TAFA4: variants seen among roughly 807,000 people sequenced by gnomAD.
The protein encoded by TAFA4 is TAFA chemokine like family member 4.
TAFA4 carries 20 observed loss-of-function variants against 21.1 expected under a neutral mutation model. The ratio of observed to expected loss-of-function variants is 0.95; its 90% confidence interval spans 0.67 to 1.38. The LOEUF is 1.38. Among genes scored for constraint, TAFA4 ranks in the 40% most tolerant of loss-of-function variants. TAFA4 has a pLI of 0.00. For synonymous variants in TAFA4, 71 were observed against 67.4 expected (o/e 1.05, Z -0.26); for missense variants, 211 against 180.9 (o/e 1.17, Z -0.95).
At chr3:68,866,307 G>A (rs1253449531) in intron 3 of TAFA4, among the ~76,000 whole-genome samples, 1 of 151,998 alleles carries the variant, frequency 6.6e-6, no homozygotes, top group Non-Finnish European at 1.5e-5. Flanking sequence ...CCCATTTCAA[G>A]ACTGGCAGAG....
chr3:68,797,867 G>A (rs1355555920), intron 3 of TAFA4, among the ~76,000 whole-genome samples: 1 of 152,142 alleles, frequency 6.6e-6, no homozygotes, highest in African/African-American at 2.4e-5. Context: ...AGCACTCCAT[G>A]GATGGATCCG....
At chr3:68,922,574 G>T (rs942342534) in intron 1 of TAFA4, among the ~76,000 whole-genome samples, 7 of 152,138 alleles carry the variant, frequency 4.6e-5, no homozygotes, top group Non-Finnish European at 7.3e-5. Context: ...TCAATTGCTT[G>T]TAAGTTCATG....
In TAFA4 at chr3:68,744,393, C is replaced by T. The variant is rs192783096; in HGVS notation, c.287-5194G>A. ...TAGACTTGGGTCTCTCAGCAGCAGACAGCCAGGGAAGGAGTCTGAGCCAAG... is the reference window on the plus strand; with the variant it reads ...TAGACTTGGGTCTCTCAGCAGCAGATAGCCAGGGAAGGAGTCTGAGCCAAG... On this transcript the variant is annotated intron_variant, in intron 4 of 5. Transcript: ENST00000295569. Among the ~76,000 whole-genome samples the T allele has an allele frequency of 2.0e-5, 3 of 152,300 alleles. No homozygotes were observed. The East Asian group carries it at 5.8e-4, about 29-fold the overall frequency.
At chr3:68,778,330 T>C (rs1703086535) in intron 3 of TAFA4, among the ~76,000 whole-genome samples, 1 of 151,978 alleles carries the variant, frequency 6.6e-6, no homozygotes, top group Non-Finnish European at 1.5e-5. Flanking sequence ...CATAAAGAGG[T>C]CAATATATAT....
intron 3 of TAFA4, among the ~76,000 whole-genome samples, chr3:68,858,577 CGTGTGT>C (rs4065047): frequency 0.018 from 2,572 of 146,150 alleles, 76 homozygotes; most frequent in African/African-American, 0.056. Flanking sequence ...TTCCAAGTGA[CGTGTGT>C]GTGTGTGTGT....
chr3:68,857,434 G>A (rs183348568), intron 3 of TAFA4, among the ~76,000 whole-genome samples: 1 of 152,180 alleles, frequency 6.6e-6, no homozygotes, highest in East Asian at 1.9e-4. Context: ...AATAATGTTA[G>A]GTGTTAGGTA....
chr3:68,814,041 T>A (rs185115539), intron 3 of TAFA4, among the ~76,000 whole-genome samples: 1 of 152,196 alleles, frequency 6.6e-6, no homozygotes, highest in African/African-American at 2.4e-5. Context: ...TAATCCAGCA[T>A]ATAAATAGAA....
intron 1 of TAFA4, among the ~76,000 whole-genome samples, chr3:68,893,061 A>G (rs2089746879): frequency 6.6e-6 from 1 of 152,196 alleles, no homozygotes; most frequent in Non-Finnish European, 1.5e-5. Flanking sequence ...AATTATCCTT[A>G]CTGCAGAGGG....
At chr3:68,774,466 C>A (rs145433006) in intron 3 of TAFA4, among the ~76,000 whole-genome samples, 22 of 152,258 alleles carry the variant, frequency 1.4e-4, no homozygotes, top group African/African-American at 5.3e-4. Context: ...TAGTCTCAAG[C>A]AACATCAGAA....
intron 3 of TAFA4, among the ~76,000 whole-genome samples, chr3:68,857,597 T>C (rs1705098669): frequency 6.6e-6 from 1 of 152,082 alleles, no homozygotes; most frequent in Non-Finnish European, 1.5e-5. Context: ...TATAAATACA[T>C]TGTGAAATGT....
chr3:68,824,029 G>T (rs186490065), intron 3 of TAFA4, among the ~76,000 whole-genome samples: 1 of 152,142 alleles, frequency 6.6e-6, no homozygotes, highest in African/African-American at 2.4e-5. Context: ...AGGGATCCAT[G>T]ACTCAGAGAA....
chr3:68,752,247 G>T (rs1253248427), intron 4 of TAFA4, among the ~76,000 whole-genome samples: 1 of 152,108 alleles, frequency 6.6e-6, no homozygotes, highest in Non-Finnish European at 1.5e-5. Context: ...TTTCTAACAC[G>T]GCGTCTGCTG....
At chr3:68,842,173 A>C (rs984631067) in intron 3 of TAFA4, among the ~76,000 whole-genome samples, 1 of 152,196 alleles carries the variant, frequency 6.6e-6, no homozygotes, top group Non-Finnish European at 1.5e-5. Flanking sequence ...ACAGTGTAAA[A>C]GCCTTCCTAT....
chr3:68,737,464 T>C (rs1702265501), intron 5 of TAFA4, among the ~76,000 whole-genome samples: 1 of 152,140 alleles, frequency 6.6e-6, no homozygotes, highest in Non-Finnish European at 1.5e-5. Context: ...ATCCCAGTCA[T>C]CTCAGTATCA....
chr3:68,822,270 C>T (rs967191588), intron 3 of TAFA4, among the ~76,000 whole-genome samples: 1 of 152,146 alleles, frequency 6.6e-6, no homozygotes, highest in Admixed American at 6.5e-5. Flanking sequence ...TAAATTTCAC[C>T]AAATGAGCTA....
intron 3 of TAFA4, among the ~76,000 whole-genome samples, chr3:68,831,398 T>G (rs184060190): frequency 6.6e-6 from 1 of 152,342 alleles, no homozygotes; most frequent in East Asian, 1.9e-4. Context: ...ATAAAATCTC[T>G]GAGCATTTGC....
chr3:68,844,512 A>G (rs528875299), intron 3 of TAFA4, among the ~76,000 whole-genome samples: 4 of 149,416 alleles, frequency 2.7e-5, no homozygotes, highest in African/African-American at 7.3e-5. Context: ...TCATGTCTCT[A>G]TCTCCTTCAG....
rs1451894050 is a variant in TAFA4 at position 68,752,949 on chromosome 3, A to G, written c.200T>C (p.Ile67Thr). The change falls in exon 4 of 6, where the codon ATA becomes ACA. Residue 67 changes from isoleucine to threonine, a missense_variant. By Grantham distance (89) the Ile-to-Thr change is moderately conservative. Coordinates refer to ENST00000295569, the MANE Select transcript of TAFA4 (RefSeq NM_182522.5). ...CTTGACCGTTTGTGACCGCTCTTCT[A>G]TGCGGTTCTTATTGCAGCACCTGTG... is the stretch of plus-strand genomic sequence containing the variant. ...AVHRCCNKNR[I>T]EERSQTVKCS... The G allele has an allele frequency of 8.1e-6, 13 of 1,613,962 alleles. No individual in the cohort carries two copies. Among genetic ancestry groups the G allele is most frequent in the Middle Eastern group, 1.6e-4 (1 of 6,082 alleles).
intron 3 of TAFA4, among the ~76,000 whole-genome samples, chr3:68,878,573 CAAA>C (rs2089580377): frequency 6.6e-6 from 1 of 152,044 alleles, no homozygotes; most frequent in African/African-American, 2.4e-5. Flanking sequence ...AACAAAAGGA[CAAA>C]TTGCTAGTTG....
Sources: gnomAD v4.1 joint callset for allele counts (sites outside exome capture counted in the v4.1 genomes callset) on GRCh38, gnomAD v4.1.1 for gene constraint, MANE v1.5 for transcripts, NCBI Gene and HGNC (gene_info 2026-07-23, HGNC 2026-07-21) for gene names.